Variants in RCOR3 observed in about 807,000 individuals in gnomAD.
RCOR3 encodes REST corepressor 3.
Under a neutral mutation model 64.1 loss-of-function variants are expected in RCOR3, and 13 were observed. The ratio of observed to expected loss-of-function variants is 0.20; its 90% CI spans 0.13 to 0.32. The LOEUF (loss-of-function observed/expected upper bound fraction) is 0.32. RCOR3 is among the 10% of genes least tolerant of loss of function. The probability of loss-of-function intolerance (pLI) is 1.00; values close to 1 mark genes in which losing one functional copy is unlikely to be tolerated. For missense variants in RCOR3, 489 were observed against 701.2 expected, an observed-to-expected ratio of 0.70 and a Z score of 3.42; for synonymous variants, 215 against 239.0, an observed-to-expected ratio of 0.90 and a Z score of 0.93.
Position 211,313,280 on chromosome 1 carries a change from A to T in RCOR3, c.1318-144A>T. On this transcript the variant is annotated intron_variant, in intron 11 of 11. Transcript: ENST00000419091. This position sits in a 1 kb window ranked among gnomAD's most constrained non-coding sequence, Gnocchi z 4.7. ...GTTTTGTTTTGTTTAAAATAAAAGAAGCTTGTGCTTCCAATAAACACTGGT... is the reference window on the plus strand; with the variant it reads ...GTTTTGTTTTGTTTAAAATAAAAGATGCTTGTGCTTCCAATAAACACTGGT... 7.0e-7 allele frequency: 1 copy of T among 1,436,866 alleles called. No individual in the cohort carries two copies. The highest frequency in any genetic ancestry group is 1.5e-5 in the South Asian group (1 of 64,844). The allele number at this position is 1,436,866 out of a possible 1,614,324, so 89.0% of individuals were successfully genotyped here. A position where few individuals can be genotyped will look rare whatever the true frequency, so the allele number is the denominator to read the frequency against.
At chr1:211,284,426 A>G (rs1326495807) in intron 7 of RCOR3, among the ~76,000 whole-genome samples, 1 of 151,988 alleles carries the variant, frequency 6.6e-6, no homozygotes, top group Admixed American at 6.6e-5. Flanking sequence ...TCTTTTGAAA[A>G]TTTTAAACTT....
At chr1:211,302,753 C>T (rs777553577) in intron 9 of RCOR3, 28 of 152,004 alleles carry the variant, frequency 1.8e-4, no homozygotes, top group Non-Finnish European at 3.8e-4. Context: ...CTTTTTTATC[C>T]ACCTTCCACA....
Position 211,314,677 on chromosome 1 carries a change from T to C in RCOR3, c.*909T>C, listed in dbSNP as rs906898518. The C allele has an allele frequency of 6.6e-6, 1 of 152,188 alleles. No homozygotes were observed. The highest frequency in any genetic ancestry group is 2.4e-5 in the African/African-American group (1 of 41,456). 9.4% of individuals were successfully genotyped at this position (152,188 alleles called of 1,614,324 possible). A position where few individuals can be genotyped will look rare whatever the true frequency, so the allele number is the denominator to read the frequency against. On this transcript the variant is annotated 3_prime_UTR_variant, in exon 12 of 12. Coordinates refer to ENST00000419091, the MANE Select transcript of RCOR3 (RefSeq NM_001136223.3). Reference sequence around the variant, plus strand: ...TGGGGACTTCAGAGAAGAATTATATTTTGTTAGTTAAGTAGACACAGTGGT... The same window carrying C: ...TGGGGACTTCAGAGAAGAATTATATCTTGTTAGTTAAGTAGACACAGTGGT...
rs561559380 is a variant in RCOR3 at position 211,268,465 on chromosome 1, C to T, written c.224-2767C>T. ...TGTGATCTCGGCTCACCGCAACCTC[C>T]GCCTCCCAGGTTCAAGTGATTATCC... On this transcript the variant is annotated intron_variant, in intron 2 of 11. Transcript: ENST00000419091. Among the ~76,000 whole-genome samples, 8 of 147,884 alleles carry T rather than the reference C, an allele frequency of 5.4e-5. No individual in the cohort carries two copies. The South Asian group carries it at 1.1e-3, about 20-fold the overall frequency.
At chr1:211,269,188 G>T (rs1196996175) in intron 2 of RCOR3, among the ~76,000 whole-genome samples, 2 of 152,164 alleles carry the variant, frequency 1.3e-5, no homozygotes, top group Non-Finnish European at 2.9e-5. Context: ...TATGAGCCGG[G>T]TGCAGTGGCT....
intron 9 of RCOR3, among the ~76,000 whole-genome samples, chr1:211,296,607 C>T (rs182644356): frequency 2.6e-5 from 4 of 152,146 alleles, no homozygotes; most frequent in Admixed American, 2.0e-4. Context: ...TACCATATGC[C>T]ATCTTAGTCA....
At chr1:211,285,342 A>G (rs1264781310) in intron 7 of RCOR3, among the ~76,000 whole-genome samples, 1 of 152,220 alleles carries the variant, frequency 6.6e-6, no homozygotes, top group African/African-American at 2.4e-5. Flanking sequence ...TGCTAGCTGT[A>G]GGTTGGAGCA....
intron 5 of RCOR3, among the ~76,000 whole-genome samples, chr1:211,277,153 C>CTTT (rs991064586): frequency 1.3e-5 from 2 of 149,856 alleles, no homozygotes; most frequent in African/African-American, 4.9e-5. Flanking sequence ...GATGGTGCTG[C>CTTT]TTTTTTTCTT....
At position 211,289,341 on chromosome 1, in the gene RCOR3, C is replaced by T. The variant is rs772688099; in HGVS notation, c.884C>T (p.Ala295Val). The change falls in exon 8 of 12, where the codon GCA (alanine) becomes GTA (valine). Residue 295 changes from alanine to valine, a missense_variant. Around this residue, in one of 2 missense-constraint regions of RCOR3, gnomAD observed 402 missense variants for 617.0 expected, o/e 0.65. Transcript: ENST00000419091. ...GTAGCAGTTTCCTGTAGTCCCAATG[C>T]AGCCAACACCATCCTGAGGCAACTG... The part of the protein sequence containing the change: ...DVVAVSCSPN[A>V]ANTILRQLDM... 1.9e-6 allele frequency: 3 copies of T among 1,614,110 alleles called. No individual in the cohort carries two copies. The highest frequency in any genetic ancestry group is 2.2e-5 in the East Asian group (1 of 44,884).
At chr1:211,290,487 G>C (rs559927141) in intron 8 of RCOR3, among the ~76,000 whole-genome samples, 1 of 152,126 alleles carries the variant, frequency 6.6e-6, no homozygotes, top group South Asian at 2.1e-4. Flanking sequence ...TTAGGCTCTT[G>C]CTATCGCTTG....
chr1:211,278,981 G>A (rs1289925868), intron 6 of RCOR3, among the ~76,000 whole-genome samples: 2 of 152,122 alleles, frequency 1.3e-5, no homozygotes, highest in African/African-American at 4.8e-5. Flanking sequence ...TTGAAGTCAG[G>A]TTTAAGACCA....
intron 2 of RCOR3, 26 bp downstream of exon 2, chr1:211,260,190 C>T (rs1553248533): frequency 3.7e-6 from 6 of 1,603,464 alleles, no homozygotes; most frequent in Non-Finnish European, 4.3e-6. Context: ...TAAGCAAAAT[C>T]TCATATCCCC....
intron 3 of RCOR3, among the ~76,000 whole-genome samples, chr1:211,272,071 G>A (rs750628639): frequency 4.6e-5 from 7 of 152,186 alleles, no homozygotes; most frequent in Non-Finnish European, 1.0e-4. Context: ...ATCATGAATA[G>A]TAAGTTGAAT....
At chr1:211,270,716 G>A (rs1696036556) in intron 2 of RCOR3, among the ~76,000 whole-genome samples, 2 of 152,132 alleles carry the variant, frequency 1.3e-5, no homozygotes, top group Non-Finnish European at 2.9e-5. Context: ...GGATAAACCG[G>A]CATTTGCAAA....
At position 211,312,702 on chromosome 1, in the gene RCOR3, A is replaced by G; in HGVS notation, c.1076-18A>G. On this transcript the variant is annotated intron_variant, in intron 10 of 11. Transcript: ENST00000419091. This position sits in a 1 kb window ranked among gnomAD's most constrained non-coding sequence, Gnocchi z 5.0. ...CTTATTGATCCTTCACAGGTGTATT[A>G]TTTACTTTGCCTTCCAGGTGTCCGC... 2 of 1,579,772 alleles carry G rather than the reference A, an allele frequency of 1.3e-6. No homozygotes were observed. Among genetic ancestry groups the G allele is most frequent in the Non-Finnish European group, 1.7e-6 (2 of 1,149,060 alleles).
Sources: allele counts gnomAD v4.1 joint callset (sites outside exome capture counted in the v4.1 genomes callset), GRCh38; gene constraint gnomAD v4.1.1; regional missense constraint gnomAD v4.1.1; non-coding constraint Gnocchi (gnomAD v3.1); transcripts MANE v1.5; gene names NCBI Gene and HGNC (gene_info 2026-07-23, HGNC 2026-07-21).